GLRA2: variants seen among roughly 807,000 people sequenced by gnomAD.
GLRA2 encodes the protein glycine receptor subunit alpha-2.
In GLRA2, 11 loss-of-function variants were observed where a neutral mutation model predicts 31.6. That is an observed-to-expected ratio of 0.35 (90% CI 0.22 to 0.58). The LOEUF is 0.58. Among genes scored for constraint, GLRA2 ranks in the 20% least tolerant of loss-of-function variants. The pLI, the probability that GLRA2 is intolerant of heterozygous loss-of-function variation, is 0.84. For missense variants in GLRA2, 212 were observed against 351.8 expected, an observed-to-expected ratio of 0.60 and a Z score of 3.18; for synonymous variants, 132 against 134.0, an observed-to-expected ratio of 0.99 and a Z score of 0.10.
intron 7 of GLRA2, among the ~76,000 whole-genome samples, chrX:14,667,624 A>G (rs994356285): frequency 9.9e-5 from 11 of 111,319 alleles, no homozygotes; most frequent in African/African-American, 3.6e-4. Flanking sequence ...TGAATATATT[A>G]TGGTTTTTCT....
chrX:14,602,356 T>A (rs1485114793), intron 4 of GLRA2, among the ~76,000 whole-genome samples: 1 of 34,049 alleles, frequency 2.9e-5, no homozygotes, highest in Admixed American at 2.6e-4. Context: ...CAAACCGTTG[T>A]TTGTTTGTTT....
chrX:14,638,651 A>G (rs894023610), intron 7 of GLRA2, among the ~76,000 whole-genome samples: 2 of 111,165 alleles, frequency 1.8e-5, no homozygotes, highest in African/African-American at 6.5e-5. Context: ...ACAAAAAGCT[A>G]CTATGAATTC....
At chrX:14,542,881 C>T (rs181255081) in intron 2 of GLRA2, among the ~76,000 whole-genome samples, 1,359 of 109,760 alleles carry the variant, frequency 0.012, 35 homozygotes, top group Admixed American at 0.093. Flanking sequence ...TGGCTGGGAA[C>T]TCAATTTTAA....
At chrX:14,553,726 T>C (rs916186193) in intron 2 of GLRA2, among the ~76,000 whole-genome samples, 4 of 111,616 alleles carry the variant, frequency 3.6e-5, no homozygotes, top group African/African-American at 1.3e-4. Context: ...GGTGAATTAG[T>C]GTCTCCTGAG....
the GLRA2 span, among the ~76,000 whole-genome samples, chrX:14,493,709 A>G: frequency 0.018 from 1,650 of 90,332 alleles, 66 homozygotes; most frequent in African/African-American, 0.084. Flanking sequence ...ATGTATACAC[A>G]TGTATACATA....
At chrX:14,532,704 C>G (rs754811154) in intron 2 of GLRA2, among the ~76,000 whole-genome samples, 1 of 111,388 alleles carries the variant, frequency 9.0e-6, no homozygotes, top group African/African-American at 3.2e-5. Flanking sequence ...GAATATCTAC[C>G]AGGATGCATG....
At chrX:14,719,329 T>C (rs979134900) in intron 8 of GLRA2, among the ~76,000 whole-genome samples, 1 of 111,699 alleles carries the variant, frequency 9.0e-6, no homozygotes, top group Admixed American at 9.5e-5. Context: ...ATCAAAAATA[T>C]ACAAGGAGCT....
the GLRA2 span, among the ~76,000 whole-genome samples, chrX:14,465,086 C>T: frequency 1.8e-5 from 2 of 111,897 alleles, no homozygotes; most frequent in Admixed American, 9.5e-5. Flanking sequence ...GTGTAGATTG[C>T]TTTGGGCAGT....
chrX:14,507,764 G>A, the GLRA2 span, among the ~76,000 whole-genome samples: 1 of 88,063 alleles, frequency 1.1e-5, no homozygotes, highest in Non-Finnish European at 2.1e-5. Flanking sequence ...GGCACAATCA[G>A]CTCACTGCAA....
At chrX:14,489,738 C>T in the GLRA2 span, among the ~76,000 whole-genome samples, 13 of 112,127 alleles carry the variant, frequency 1.2e-4, no homozygotes, top group African/African-American at 3.2e-4. Context: ...ATGGACGTTA[C>T]AAATCATTGA....
At chrX:14,649,924 A>G (rs757877285) in intron 7 of GLRA2, among the ~76,000 whole-genome samples, 3 of 112,228 alleles carry the variant, frequency 2.7e-5, no homozygotes, top group Non-Finnish European at 5.6e-5. Context: ...TGATTGTTCA[A>G]TGCAAAAATT....
rs186444155 is a variant in GLRA2 at position 14,696,924 on chromosome X, G to T, written c.1080+6065G>T. On this transcript the variant is annotated intron_variant, in intron 8 of 8. Coordinates refer to ENST00000218075, the MANE Select transcript of GLRA2 (RefSeq NM_002063.4). ...GTTTTATTACCAAAGTTAAGTCTTG[G>T]GGGGAGTTGAAGAGCAAATCAAATC... is the stretch of plus-strand genomic sequence containing the variant. 6.3e-5 allele frequency among the ~76,000 whole-genome samples: 7 copies of T among 111,828 alleles called. No homozygotes were observed. The East Asian group carries it at 1.4e-3, about 22-fold the overall frequency.
intron 7 of GLRA2, among the ~76,000 whole-genome samples, chrX:14,659,810 T>A (rs1207407995): frequency 8.9e-6 from 1 of 112,225 alleles, no homozygotes; most frequent in Non-Finnish European, 1.9e-5. Flanking sequence ...TACTATCACA[T>A]CCAATACTAA....
the GLRA2 span, among the ~76,000 whole-genome samples, chrX:14,497,835 C>T: frequency 9.2e-6 from 1 of 109,006 alleles, no homozygotes; most frequent in African/African-American, 3.4e-5. Flanking sequence ...AAATGTGTCC[C>T]TTAAAAATCC....
chrX:14,452,873 C>T, the GLRA2 span, among the ~76,000 whole-genome samples: 1 of 111,951 alleles, frequency 8.9e-6, no homozygotes, highest in Non-Finnish European at 1.9e-5. Flanking sequence ...GCCTATTTTT[C>T]AGGTTTTCCT....
intron 2 of GLRA2, among the ~76,000 whole-genome samples, chrX:14,543,595 C>A (rs746979703): frequency 9.0e-6 from 1 of 111,329 alleles, no homozygotes; most frequent in South Asian, 3.7e-4. Context: ...GTAGCAAATT[C>A]ATGTACAAAG....
At chrX:14,597,605 G>A (rs943710746) in intron 4 of GLRA2, among the ~76,000 whole-genome samples, 5 of 111,242 alleles carry the variant, frequency 4.5e-5, no homozygotes, top group African/African-American at 3.3e-5. Context: ...CTGGGTGTCT[G>A]AGGAAAAATG....
intron 2 of GLRA2, among the ~76,000 whole-genome samples, chrX:14,537,517 G>A (rs2089342050): frequency 9.0e-6 from 1 of 111,402 alleles, no homozygotes; most frequent in Non-Finnish European, 1.9e-5. Flanking sequence ...TAACATGCAC[G>A]TGGCCTGATT....
At chrX:14,630,160 C>T (rs1416591146) in intron 7 of GLRA2, among the ~76,000 whole-genome samples, 4 of 111,177 alleles carry the variant, frequency 3.6e-5, no homozygotes, top group Non-Finnish European at 7.6e-5. Context: ...AGCTTTTATA[C>T]GTCTGAAAAG....
Sources: allele counts gnomAD v4.1 joint callset (sites outside exome capture counted in the v4.1 genomes callset), GRCh38; gene constraint gnomAD v4.1.1; transcripts MANE v1.5; gene names NCBI Gene and HGNC (gene_info 2026-07-23, HGNC 2026-07-21).